Variants in PPP1R13B observed in about 807,000 individuals in gnomAD.
The protein encoded by PPP1R13B is apoptosis-stimulating of p53 protein 1.
In PPP1R13B, 44 loss-of-function variants were observed where a neutral mutation model predicts 119.8. That is an observed-to-expected ratio of 0.37 (90% CI 0.29 to 0.47). PPP1R13B has a LOEUF of 0.47. Ranked by LOEUF, PPP1R13B falls within the 20% of genes least tolerant of loss-of-function variation. PPP1R13B has a pLI of 0.99. For missense variants in PPP1R13B, 1,227 were observed against 1,413.5 expected (o/e 0.87, Z 2.12); for synonymous variants, 542 against 561.5 (o/e 0.97, Z 0.49).
At chr14:103,814,220 A>G (rs2086224989) in intron 1 of PPP1R13B, among the ~76,000 whole-genome samples, 1 of 152,088 alleles carries the variant, frequency 6.6e-6, no homozygotes, top group Admixed American at 6.6e-5. Context: ...ATGGTGGCAC[A>G]TGCCTATAAT....
chr14:103,840,924 T>G (rs2152087205), intron 1 of PPP1R13B, among the ~76,000 whole-genome samples: 1 of 152,314 alleles, frequency 6.6e-6, no homozygotes, highest in Non-Finnish European at 1.5e-5. Flanking sequence ...CCTGACTTGA[T>G]CATTACACAT....
rs904645560 is a variant in PPP1R13B, at chr14:103,749,104, G to C, written c.969+690C>G. Reference sequence around the variant, plus strand: ...GGAATCGACTCATGTGATTGTGGACGCTGGCAAGTCCAAAATCTTTGATAC... The same window carrying C: ...GGAATCGACTCATGTGATTGTGGACCCTGGCAAGTCCAAAATCTTTGATAC... On this transcript the variant is annotated intron_variant, in intron 8 of 16. Transcript: ENST00000202556. Among the ~76,000 whole-genome samples the C allele has an allele frequency of 2.0e-5, 3 of 152,282 alleles. No individual in the cohort carries two copies. The South Asian group carries it at 6.2e-4, about 32-fold the overall frequency.
chr14:103,756,043 T>C (rs966564838), intron 5 of PPP1R13B, among the ~76,000 whole-genome samples: 1 of 152,100 alleles, frequency 6.6e-6, no homozygotes, highest in African/African-American at 2.4e-5. Flanking sequence ...AATAAGAACC[T>C]AGTTGGTAAT....
At chr14:103,840,772 C>G (rs2086888031) in intron 1 of PPP1R13B, among the ~76,000 whole-genome samples, 2 of 148,934 alleles carry the variant, frequency 1.3e-5, no homozygotes, top group African/African-American at 5.0e-5. Context: ...GCCTGGGCAA[C>G]AGAAGGAGAC....
In PPP1R13B at chr14:103,753,033, C is replaced by T. The variant is rs752261982; in HGVS notation, c.795G>A (p.Ala265=). 3.7e-5 allele frequency: 60 copies of T among 1,614,006 alleles called. No individual in the cohort carries two copies. Among genetic ancestry groups the T allele is most frequent in the Non-Finnish European group, 4.8e-5 (57 of 1,180,026 alleles). The change falls in exon 7 of 17, where the codon GCG becomes GCA. Residue 265 remains alanine, a synonymous_variant. Transcript: ENST00000202556. ...SYNGKLTGPA[A]VELKRLYQEL... ...CTTGGTACAGTCTTTTTAACTCCAC[C>T]GCCGCTGGTCCCGTCAATTTGCCAT...
intron 1 of PPP1R13B, among the ~76,000 whole-genome samples, chr14:103,833,984 A>C (rs1189571459): frequency 6.6e-6 from 1 of 152,208 alleles, no homozygotes; most frequent in African/African-American, 2.4e-5. Flanking sequence ...GAGACCAACA[A>C]TGTCCTAAGT....
intron 1 of PPP1R13B, among the ~76,000 whole-genome samples, chr14:103,812,329 T>C (rs2086179117): frequency 6.6e-6 from 1 of 151,862 alleles, no homozygotes; most frequent in Non-Finnish European, 1.5e-5. Context: ...TTTCACCATA[T>C]TGGCCAGGCT....
intron 1 of PPP1R13B, among the ~76,000 whole-genome samples, chr14:103,841,820 T>C (rs2086916046): frequency 2.0e-5 from 3 of 152,210 alleles, no homozygotes; most frequent in Admixed American, 2.0e-4. Context: ...CCTCAACCTT[T>C]GATGAAGCGA....
intron 2 of PPP1R13B, among the ~76,000 whole-genome samples, chr14:103,796,794 T>C (rs2085768944): frequency 6.6e-6 from 1 of 151,938 alleles, no homozygotes; most frequent in African/African-American, 2.4e-5. Flanking sequence ...CCGATTCTAC[T>C]AAAAATACAA....
At chr14:103,812,407 A>G (rs992536629) in intron 1 of PPP1R13B, among the ~76,000 whole-genome samples, 1 of 149,716 alleles carries the variant, frequency 6.7e-6, no homozygotes, top group African/African-American at 2.5e-5. Flanking sequence ...TACAGGCGTG[A>G]GCCACCGCGT....
chr14:103,741,449 C>T (rs1358329024), intron 11 of PPP1R13B, among the ~76,000 whole-genome samples: 2 of 152,170 alleles, frequency 1.3e-5, no homozygotes, highest in Admixed American at 1.3e-4. Flanking sequence ...CCACCCTCTA[C>T]GCACTGGACA....
At chr14:103,804,080 A>T in intron 1 of PPP1R13B, 1 of 984,514 alleles carries the variant, frequency 1.0e-6, no homozygotes, top group South Asian at 4.7e-5. Context: ...GTGTGTCTTA[A>T]CTTGCTCCAT....
upstream of PPP1R13B, among the ~76,000 whole-genome samples, chr14:103,848,713 T>TG (rs1448502076): frequency 6.6e-6 from 1 of 151,772 alleles, no homozygotes; most frequent in East Asian, 1.9e-4. Flanking sequence ...TGCTGCAGAG[T>TG]GGGGGCAGAG....
At chr14:103,809,896 G>A (rs1280939673) in intron 1 of PPP1R13B, among the ~76,000 whole-genome samples, 10 of 151,310 alleles carry the variant, frequency 6.6e-5, no homozygotes, top group Non-Finnish European at 1.5e-4. Flanking sequence ...GCACGATCTC[G>A]GCTCACTGCA....
intron 7 of PPP1R13B, among the ~76,000 whole-genome samples, chr14:103,752,299 A>G (rs1425965756): frequency 6.6e-6 from 1 of 152,192 alleles, no homozygotes. Context: ...CATTCATATG[A>G]AACGTCCAGA....
At chr14:103,847,138 G>T (rs1432560013) in intron 1 of PPP1R13B, 161 bp downstream of exon 1, 3 of 978,642 alleles carry the variant, frequency 3.1e-6, no homozygotes, top group Admixed American at 6.2e-5. Context: ...CCACCTGCCC[G>T]CCTGGGGGGC....
chr14:103,823,303 C>T (rs557896227), intron 1 of PPP1R13B, among the ~76,000 whole-genome samples: 4 of 150,870 alleles, frequency 2.7e-5, no homozygotes, highest in South Asian at 4.2e-4. Flanking sequence ...CGCGCCACTG[C>T]ACTTCAGCCT....
intron 7 of PPP1R13B, among the ~76,000 whole-genome samples, chr14:103,751,167 C>CAACAAAAACAAACA (rs2084535749): frequency 6.6e-6 from 1 of 152,124 alleles, no homozygotes; most frequent in African/African-American, 2.4e-5. Flanking sequence ...AAAACAACAA[C>CAACAAAAACAAACA]AACAAAAACA....
chr14:103,843,436 G>A (rs2086954660), intron 1 of PPP1R13B, among the ~76,000 whole-genome samples: 1 of 151,984 alleles, frequency 6.6e-6, no homozygotes, highest in Non-Finnish European at 1.5e-5. Context: ...TCTAAATTGG[G>A]CTTTCCATTT....
Sources: gnomAD v4.1 joint callset for allele counts (sites outside exome capture counted in the v4.1 genomes callset) on GRCh38, gnomAD v4.1.1 for gene constraint, MANE v1.5 for transcripts, NCBI Gene and HGNC (gene_info 2026-07-23, HGNC 2026-07-21) for gene names.